The following SPTAN1 variants were observed in gnomAD, a reference collection of about 807,000 sequenced individuals.
The protein encoded by SPTAN1 is spectrin alpha chain, non-erythrocytic 1.
In SPTAN1, 61 loss-of-function variants were observed where a neutral mutation model predicts 331.3. That is an observed-to-expected ratio of 0.18 (90% CI 0.15 to 0.23). The LOEUF (loss-of-function observed/expected upper bound fraction) is 0.23. SPTAN1 is among the 10% of genes least tolerant of loss of function. The probability of loss-of-function intolerance (pLI) is 1.00; values close to 1 mark genes in which losing one functional copy is unlikely to be tolerated. For synonymous variants in SPTAN1, 1,153 were observed against 1,173.9 expected, an observed-to-expected ratio of 0.98 and a Z score of 0.36; for missense variants, 2,043 against 3,147.9, an observed-to-expected ratio of 0.65 and a Z score of 8.40.
At chr9:128,578,389 G>T in intron 9 of SPTAN1, 144 bp downstream of exon 9, 1 of 1,145,196 alleles carries the variant, frequency 8.7e-7, no homozygotes, top group Non-Finnish European at 1.3e-6. Flanking sequence ...GGTTGGTTTT[G>T]CCTTTGGAGA....
chr9:128,587,675 C>G lies in SPTAN1; in HGVS notation c.2848C>G (p.Arg950Gly). 1 of 1,613,918 alleles carries G rather than the reference C, an allele frequency of 6.2e-7. No individual in the cohort carries two copies. The highest frequency in any genetic ancestry group is 1.1e-5 in the South Asian group (1 of 91,074). The stretch of plus-strand genomic sequence containing the variant: ...CTACGGCAGCAGCATCCAGGCTTTG[C>G]GAGAACAAGCACAGTCCTGCCGGGT... ...SAYGSSIQALREQAQSCRQQV... is the reference protein window; with the variant it reads ...SAYGSSIQALGEQAQSCRQQV... The change falls in exon 20 of 57, where the codon CGA (arginine) becomes GGA (glycine). Residue 950 changes from arginine to glycine, a missense_variant. By Grantham distance (125) the Arg-to-Gly change is moderately radical (BLOSUM62 -2). Transcript: ENST00000372739.
chr9:128,610,444 C>T (rs1174303242), intron 37 of SPTAN1, among the ~76,000 whole-genome samples: 8 of 152,126 alleles, frequency 5.3e-5, no homozygotes, highest in African/African-American at 1.2e-4. Flanking sequence ...GAGAACGTAA[C>T]AAGGACATTT....
intron 21 of SPTAN1, 141 bp downstream of exon 21, chr9:128,589,084 C>A: frequency 8.3e-7 from 1 of 1,209,962 alleles, no homozygotes; most frequent in Non-Finnish European, 1.2e-6. Context: ...CAATCCCCCA[C>A]GTGACATACA....
At chr9:128,566,423 TCCTTGAAG>T (rs1355363182) in intron 1 of SPTAN1, among the ~76,000 whole-genome samples, 1 of 152,204 alleles carries the variant, frequency 6.6e-6, no homozygotes, top group Non-Finnish European at 1.5e-5. Flanking sequence ...TTCCTCTGAA[TCCTTGAAG>T]CCTTTGTAGA....
chr9:128,623,254 G>A (rs1383988520), intron 45 of SPTAN1, among the ~76,000 whole-genome samples: 1 of 149,328 alleles, frequency 6.7e-6, no homozygotes, highest in East Asian at 2.0e-4. Context: ...TTTTTTTTAA[G>A]AGATGGGGTC....
Position 128,616,066 on chromosome 9 carries a change from C to T in SPTAN1, c.5357+226C>T, listed in dbSNP as rs986210374. Among the ~76,000 whole-genome samples, 5 of 152,246 alleles carry T rather than the reference C, an allele frequency of 3.3e-5. No individual in the cohort carries two copies. In the East Asian group the frequency reaches 5.8e-4, roughly 18 times the overall value. ...TGGCTACATAGGCCCTGTCTAGACC[C>T]TGCCTTTTAGATTCCCGTGAAAGTT... is the stretch of plus-strand genomic sequence containing the variant. On this transcript the variant is annotated intron_variant, in intron 41 of 56. Coordinates refer to ENST00000372739, the MANE Select transcript of SPTAN1 (RefSeq NM_001130438.3).
chr9:128,625,157 T>C lies in SPTAN1; in HGVS notation c.6047T>C (p.Val2016Ala). ...GATTATGGCCGAGACCTGTCTTCTGTGCAGACGCTCCTCACCAAACAGGTC... is the reference window on the plus strand; with the variant it reads ...GATTATGGCCGAGACCTGTCTTCTGCGCAGACGCTCCTCACCAAACAGGTC... ...TDDYGRDLSS[V>A]QTLLTKQETF... is the part of the protein sequence containing the mutation. Residue 2016 changes from valine (V) to alanine (A), a missense_variant, in exon 47 of 57, where the codon GTG becomes GCG. Transcript: ENST00000372739. The surrounding 1 kb of genome is among the most constrained non-coding windows in gnomAD (Gnocchi z 4.1). 6.2e-7 allele frequency: 1 copy of C among 1,614,190 alleles called. No homozygotes were observed. Among genetic ancestry groups the C allele is most frequent in the Non-Finnish European group, 8.5e-7 (1 of 1,180,042 alleles).
In SPTAN1 at chr9:128,624,407, C is replaced by T. The variant is rs145733227; in HGVS notation, c.5912C>T (p.Ala1971Val). ...GTGTCAGACCTGGAGAAAGCTGCAGCCCAGAGAAAGGCGAAGCTGGATGAG... is the reference window on the plus strand; with the variant it reads ...GTGTCAGACCTGGAGAAAGCTGCAGTCCAGAGAAAGGCGAAGCTGGATGAG... ...GKVSDLEKAA[A>V]QRKAKLDENS... The change falls in exon 46 of 57, where the codon GCC (alanine) becomes GTC (valine). Residue 1971 changes from alanine (A) to valine (V), a missense_variant. Transcript: ENST00000372739. The T allele has an allele frequency of 6.2e-7, 1 of 1,613,924 alleles. No homozygotes were observed. Among genetic ancestry groups the T allele is most frequent in the African/African-American group, 1.3e-5 (1 of 74,928 alleles).
Position 128,633,368 on chromosome 9 carries a change from G to A in SPTAN1, c.*34G>A. 6.2e-7 allele frequency: 1 copy of A among 1,613,014 alleles called. No homozygotes were observed. The highest frequency in any genetic ancestry group is 1.1e-5 in the South Asian group (1 of 91,084). On this transcript the variant is annotated 3_prime_UTR_variant, in exon 57 of 57. Coordinates refer to ENST00000372739, the MANE Select transcript of SPTAN1 (RefSeq NM_001130438.3). ...CTGGGTCACCCACCCCTCGCTGCTT[G>A]CCCTGCGTCGCCTTGCTGCATGTCC...
intron 28 of SPTAN1, 72 bp downstream of exon 28, chr9:128,603,662 G>C: frequency 6.4e-7 from 1 of 1,570,652 alleles, no homozygotes; most frequent in Non-Finnish European, 8.8e-7. Flanking sequence ...GTCTACAGCA[G>C]AGCTCTTGTT....
At chr9:128,579,244 A>G (rs1244083669) in intron 9 of SPTAN1, among the ~76,000 whole-genome samples, 1 of 152,194 alleles carries the variant, frequency 6.6e-6, no homozygotes, top group African/African-American at 2.4e-5. Flanking sequence ...AAAAAAATTC[A>G]AAAAAAGCTG....
chr9:128,588,888 G>A lies in SPTAN1; in HGVS notation c.2951G>A (p.Arg984Gln), dbSNP rs1057521149. ...ALYDYQEKSP[R>Q]EVTMKKGDIL... is the part of the protein sequence containing the mutation. ...TACGACTATCAGGAGAAGAGTCCCC[G>A]AGAGGTCACCATGAAGAAGGGAGAT... Residue 984 changes from arginine (R) to glutamine (Q), a missense_variant, in exon 21 of 57, where the codon CGA (arginine) becomes CAA (glutamine). By Grantham distance (43) the Arg-to-Gln change is conservative. Transcript: ENST00000372739. The A allele has an allele frequency of 2.5e-6, 4 of 1,614,150 alleles. No homozygotes were observed. Among genetic ancestry groups the A allele is most frequent in the Non-Finnish European group, 3.4e-6 (4 of 1,180,024 alleles).
chr9:128,584,590 G>T (rs1564228952), intron 17 of SPTAN1, 65 bp downstream of exon 17: 9 of 1,613,994 alleles, frequency 5.6e-6, no homozygotes, highest in African/African-American at 1.3e-5. Context: ...GCATAAAGGG[G>T]ATGCATGTCA....
chr9:128,562,780 C>T (rs148669182), intron 1 of SPTAN1, among the ~76,000 whole-genome samples: 2 of 151,544 alleles, frequency 1.3e-5, no homozygotes, highest in Non-Finnish European at 2.9e-5. Flanking sequence ...CTGGCTAGCA[C>T]GGTGAAACGC....
rs530252227 is a variant in SPTAN1, at chr9:128,629,081, C to T, written c.6707+1139C>T. 5 of 398,704 alleles carry T rather than the reference C, an allele frequency of 1.3e-5. No homozygotes were observed. Among genetic ancestry groups the T allele is most frequent in the East Asian group, 3.6e-5 (1 of 28,062 alleles). The allele number at this position is 398,704 out of a possible 1,614,324, so 24.7% of individuals were successfully genotyped here. A position where few individuals can be genotyped will look rare whatever the true frequency, so the allele number is the denominator to read the frequency against. The stretch of plus-strand genomic sequence containing the variant: ...TGTCTGTTGCAGTGTGCTCTTGCCT[C>T]CCCTCCCTTTGGTGTATTCATTTGG... On this transcript the variant is annotated intron_variant, in intron 51 of 56. Transcript: ENST00000372739. The surrounding 1 kb of genome is among the most constrained non-coding windows in gnomAD (Gnocchi z 4.9).
At chr9:128,574,615 A>G in intron 3 of SPTAN1, 60 bp from the exon 4 acceptor site, 2 of 1,606,978 alleles carry the variant, frequency 1.2e-6, no homozygotes, top group Non-Finnish European at 1.7e-6. Flanking sequence ...ACTCTATGGA[A>G]GAGCCAGATC....
intron 46 of SPTAN1, chr9:128,624,700 T>G (rs767657282): frequency 3.3e-6 from 2 of 613,212 alleles, no homozygotes; most frequent in Non-Finnish European, 5.7e-6. Context: ...CCAGGGTCAA[T>G]AAACAAAAGC....
intron 1 of SPTAN1, among the ~76,000 whole-genome samples, chr9:128,559,949 G>A (rs895565409): frequency 6.6e-6 from 1 of 151,794 alleles, no homozygotes; most frequent in African/African-American, 2.4e-5. Context: ...TGGCCAGGCT[G>A]GTTTCAAACT....
chr9:128,579,917 GAC>G (rs2131066282), intron 10 of SPTAN1, among the ~76,000 whole-genome samples, 179 bp downstream of exon 10: 1 of 152,312 alleles, frequency 6.6e-6, no homozygotes, highest in East Asian at 1.9e-4. Context: ...TTTCCTGAGA[GAC>G]AGTCCTCCTT....
Sources: allele counts gnomAD v4.1 joint callset (sites outside exome capture counted in the v4.1 genomes callset), GRCh38; gene constraint gnomAD v4.1.1; non-coding constraint Gnocchi (gnomAD v3.1); transcripts MANE v1.5; gene names NCBI Gene and HGNC (gene_info 2026-07-23, HGNC 2026-07-21).